Variants in CHODL observed in about 807,000 individuals in gnomAD.
The protein encoded by CHODL is transmembrane protein MT75.
A neutral mutation model predicts 34.5 loss-of-function variants in CHODL; 29 were observed. The observed-to-expected ratio is 0.84, with a 90% CI of 0.63 to 1.15. CHODL has a LOEUF of 1.15. Ranked by LOEUF, CHODL falls within the 50% of genes most tolerant of loss-of-function variation. The probability of loss-of-function intolerance (pLI) is 0.00; values close to 1 mark genes in which losing one functional copy is unlikely to be tolerated. For synonymous variants in CHODL, 125 were observed against 116.1 expected (o/e 1.08, Z -0.49); for missense variants, 332 against 332.5 (o/e 1.00, Z 0.01).
At chr21:18,112,590 G>A (rs929743257) in intron 2 of CHODL, among the ~76,000 whole-genome samples, 6 of 152,144 alleles carry the variant, frequency 3.9e-5, no homozygotes, top group African/African-American at 1.2e-4. Context: ...GAACAGAATA[G>A]AGAACTCAGA....
intron 2 of CHODL, among the ~76,000 whole-genome samples, chr21:18,161,011 T>C (rs768759270): frequency 3.9e-5 from 6 of 152,228 alleles, no homozygotes; most frequent in African/African-American, 4.8e-5. Context: ...TTTGACTTTT[T>C]AATAATAGCC....
intron 2 of CHODL, among the ~76,000 whole-genome samples, chr21:18,192,716 G>A (rs1203079786): frequency 6.6e-6 from 1 of 151,678 alleles, no homozygotes; most frequent in Non-Finnish European, 1.5e-5. Flanking sequence ...ATTCAACATG[G>A]TCAATAAAAT....
chr21:18,207,659 CTT>C (rs34259143), intron 2 of CHODL, among the ~76,000 whole-genome samples: 1 of 55,950 alleles, frequency 1.8e-5, no homozygotes. Flanking sequence ...AATCTCTCAG[CTT>C]TTTTTTTTTT....
chr21:18,021,045 A>T (rs1173546506), intron 1 of CHODL, among the ~76,000 whole-genome samples: 3 of 152,134 alleles, frequency 2.0e-5, no homozygotes, highest in Non-Finnish European at 4.4e-5. Context: ...TGAAATACTG[A>T]CTTCTCCACT....
intron 1 of CHODL, among the ~76,000 whole-genome samples, chr21:17,977,657 G>A (rs1353382990): frequency 3.4e-5 from 5 of 146,524 alleles, no homozygotes; most frequent in Non-Finnish European, 7.5e-5. Context: ...ACCGTGCCAG[G>A]CCAGATTTCT....
intron 2 of CHODL, among the ~76,000 whole-genome samples, chr21:18,080,039 T>G (rs2064922350): frequency 6.6e-6 from 1 of 152,126 alleles, no homozygotes; most frequent in Admixed American, 6.5e-5. Flanking sequence ...CTGACCGGTC[T>G]AAGATGGTAT....
At chr21:18,071,999 C>A (rs1045397988) in intron 2 of CHODL, among the ~76,000 whole-genome samples, 3 of 151,922 alleles carry the variant, frequency 2.0e-5, no homozygotes, top group Non-Finnish European at 2.9e-5. Flanking sequence ...TTAAATAAAT[C>A]TTTTTTAAAT....
At chr21:18,113,849 G>A (rs1040620223) in intron 2 of CHODL, among the ~76,000 whole-genome samples, 1 of 152,184 alleles carries the variant, frequency 6.6e-6, no homozygotes, top group Non-Finnish European at 1.5e-5. Flanking sequence ...TCCTGTGTTT[G>A]TTGCAGCACT....
rs145209225 is a variant in CHODL, at chr21:18,172,855, C to T, written c.-44-83654C>T. Among the ~76,000 whole-genome samples, 88 of 152,214 alleles carry T rather than the reference C, an allele frequency of 5.8e-4. No homozygotes were observed. The East Asian group carries it at 0.017, about 29-fold the overall frequency. Reference sequence around the variant, plus strand: ...GTACTGCTCAGGAGGGTTCTTTGCTCAGAGTTTCTGAAAAGCTGAAATCAG... The same window carrying T: ...GTACTGCTCAGGAGGGTTCTTTGCTTAGAGTTTCTGAAAAGCTGAAATCAG... On this transcript the variant is annotated intron_variant, in intron 2 of 6. Transcript: ENST00000400127.
chr21:18,187,874 A>G (rs370983592), intron 2 of CHODL, among the ~76,000 whole-genome samples: 1 of 152,080 alleles, frequency 6.6e-6, no homozygotes, highest in South Asian at 2.1e-4. Context: ...CTTGACTTGA[A>G]GTCTCATTTA....
At chr21:18,158,563 C>G (rs772748552) in intron 2 of CHODL, among the ~76,000 whole-genome samples, 4 of 152,122 alleles carry the variant, frequency 2.6e-5, no homozygotes, top group Non-Finnish European at 5.9e-5. Context: ...TGCGGCCTGG[C>G]ACGGTGGCTC....
At chr21:18,203,680 AT>A (rs555937316) in intron 2 of CHODL, among the ~76,000 whole-genome samples, 43 of 152,170 alleles carry the variant, frequency 2.8e-4, no homozygotes, top group Non-Finnish European at 5.4e-4. Context: ...TTCACCGAAT[AT>A]ATAGTATTTA....
At chr21:18,036,108 C>T (rs1423826477) in intron 2 of CHODL, among the ~76,000 whole-genome samples, 1 of 151,938 alleles carries the variant, frequency 6.6e-6, no homozygotes, top group African/African-American at 2.4e-5. Context: ...TAGAGTCTTG[C>T]TTTTGAGCTT....
rs750516293 is a variant in CHODL, at chr21:18,125,890, G to C, written c.-45+97919G>C. ...ATAAAGCAGCAGCAGGTTTAGAGAGGATTCACTCCAATTTTGAAAGAATTT... is the reference window on the plus strand; with the variant it reads ...ATAAAGCAGCAGCAGGTTTAGAGAGCATTCACTCCAATTTTGAAAGAATTT... On this transcript the variant is annotated intron_variant, in intron 2 of 6. Transcript: ENST00000400127. Among the ~76,000 whole-genome samples, 28 of 152,184 alleles carry C rather than the reference G, an allele frequency of 1.8e-4. 1 individual carries two copies. Among genetic ancestry groups the C allele is most frequent in the Non-Finnish European group, 2.6e-4 (18 of 68,030 alleles).
chr21:17,938,218 C>T (rs1175857522), intron 1 of CHODL, among the ~76,000 whole-genome samples: 1 of 152,132 alleles, frequency 6.6e-6, no homozygotes, highest in African/African-American at 2.4e-5. Context: ...GCTGCCATTT[C>T]TACAGACTGT....
intron 2 of CHODL, among the ~76,000 whole-genome samples, chr21:18,096,820 C>T (rs1260031944): frequency 6.6e-6 from 1 of 152,054 alleles, no homozygotes; most frequent in African/African-American, 2.4e-5. Flanking sequence ...ACTCTCTATT[C>T]GTTCACTCCC....
chr21:18,123,918 C>A (rs1220600574), intron 2 of CHODL, among the ~76,000 whole-genome samples: 1 of 152,138 alleles, frequency 6.6e-6, no homozygotes, highest in African/African-American at 2.4e-5. Flanking sequence ...CGCGGTGGCT[C>A]ACGCCTGTAA....
chr21:18,245,270 G>A lies in CHODL; in HGVS notation c.47G>A (p.Gly16Asp). 3.3e-6 allele frequency: 5 copies of A among 1,525,014 alleles called. No individual in the cohort carries two copies. Among genetic ancestry groups the A allele is most frequent in the Non-Finnish European group, 4.4e-6 (5 of 1,142,780 alleles). 94.5% of individuals were successfully genotyped at this position (1,525,014 alleles called of 1,614,324 possible). ...CTGCTGGGCGCCGCGCTGCTCTGCG[G>A]CCACGGAGCCTTCTGCCGCCGCGTG... ...SLLLGAALLC[G>D]HGAFCRRVVS... The change falls in exon 1 of 6, where the codon GGC (glycine) becomes GAC (aspartate). Residue 16 changes from glycine to aspartate, a missense_variant. Transcript: ENST00000299295.
intron 2 of CHODL, among the ~76,000 whole-genome samples, chr21:18,190,670 A>C (rs1220237834): frequency 6.6e-6 from 1 of 152,190 alleles, no homozygotes; most frequent in Admixed American, 6.5e-5. Context: ...AATTCTAGGG[A>C]AAGTTGAGAC....
Sources: gnomAD v4.1 joint callset for allele counts (sites outside exome capture counted in the v4.1 genomes callset) on GRCh38, gnomAD v4.1.1 for gene constraint, MANE v1.5 for transcripts, NCBI Gene and HGNC (gene_info 2026-07-23, HGNC 2026-07-21) for gene names.